NRCAM: variants seen among roughly 807,000 people sequenced by gnomAD.
NRCAM encodes NgCAM-related cell adhesion molecule.
Under a neutral mutation model 156.5 loss-of-function variants are expected in NRCAM, and 83 were observed. The observed-to-expected ratio is 0.53, with a 90% CI of 0.44 to 0.64. The LOEUF (loss-of-function observed/expected upper bound fraction) is 0.64, where lower values mean the gene tolerates loss of function less well. Among genes scored for constraint, NRCAM ranks in the 30% least tolerant of loss-of-function variants. The pLI is 0.00. For missense variants in NRCAM, 1,417 were observed against 1,597.3 expected (o/e 0.89, Z 1.92); for synonymous variants, 538 against 563.9 (o/e 0.95, Z 0.65).
At chr7:108,384,245 T>C (rs192054224) in intron 2 of NRCAM, among the ~76,000 whole-genome samples, 4 of 151,212 alleles carry the variant, frequency 2.6e-5, no homozygotes, top group East Asian at 3.9e-4. Context: ...AAATCTAAAA[T>C]AAAAGTCAAA....
At chr7:108,435,586 G>A (rs1302952654) in intron 1 of NRCAM, among the ~76,000 whole-genome samples, 1 of 152,184 alleles carries the variant, frequency 6.6e-6, no homozygotes, top group Non-Finnish European at 1.5e-5. Context: ...AGGAACAACA[G>A]ACACTGGGTC....
intron 3 of NRCAM, among the ~76,000 whole-genome samples, chr7:108,247,159 C>A (rs1277093345): frequency 1.3e-5 from 2 of 152,166 alleles, no homozygotes; most frequent in African/African-American, 4.8e-5. Flanking sequence ...GAAGAACCAT[C>A]CTGCCAACCC....
intron 11 of NRCAM, among the ~76,000 whole-genome samples, chr7:108,214,689 A>G (rs1200149695): frequency 6.6e-6 from 1 of 151,974 alleles, no homozygotes; most frequent in Non-Finnish European, 1.5e-5. Flanking sequence ...TTTAATTGTG[A>G]TGTTAGGGTA....
At chr7:108,428,850 T>G (rs1182417493) in intron 1 of NRCAM, among the ~76,000 whole-genome samples, 4 of 152,282 alleles carry the variant, frequency 2.6e-5, no homozygotes, top group African/African-American at 7.2e-5. Context: ...AGACATTAAT[T>G]GATTGGAGGG....
At chr7:108,268,619 TGGGGGTGGGGG>T (rs2097197806) in intron 3 of NRCAM, among the ~76,000 whole-genome samples, 1 of 49,266 alleles carries the variant, frequency 2.0e-5, no homozygotes, top group African/African-American at 1.1e-4. Flanking sequence ...GGGGCGGGGG[TGGGGGTGGGGG>T]GGGGTTGGGG....
chr7:108,268,635 TTGGG>T, intron 3 of NRCAM, among the ~76,000 whole-genome samples: 1 of 37,622 alleles, frequency 2.7e-5, no homozygotes, highest in Non-Finnish European at 4.6e-5. Flanking sequence ...TGGGGGGGGG[TTGGG>T]GGGGGCGGCG....
chr7:108,362,343 T>C (rs1361875851), intron 2 of NRCAM, among the ~76,000 whole-genome samples: 3 of 152,134 alleles, frequency 2.0e-5, no homozygotes, highest in Non-Finnish European at 2.9e-5. Flanking sequence ...CACTTCCTAA[T>C]ATCATCACCC....
Position 108,150,009 on chromosome 7 carries a change from A to G in NRCAM, c.3816T>C (p.Phe1272=), listed in dbSNP as rs766520082. 2 of 1,614,102 alleles carry G rather than the reference A, an allele frequency of 1.2e-6. No individual in the cohort carries two copies. The highest frequency in any genetic ancestry group is 1.1e-5 in the South Asian group (1 of 91,082). Residue 1272 remains phenylalanine, a synonymous_variant, in exon 33 of 33, where the codon TTT becomes TTC. Transcript: ENST00000379028. ...VNGQFNEDGS[F]IGQYSGKKEK... is the part of the protein sequence containing the mutation. The stretch of plus-strand genomic sequence containing the variant: ...CTTTCTTACCACTGTATTGTCCAAT[A>G]AAGGAGCCATCCTCATTGAACTGGC...
At chr7:108,280,192 G>C (rs554020842) in intron 3 of NRCAM, among the ~76,000 whole-genome samples, 2 of 152,330 alleles carry the variant, frequency 1.3e-5, no homozygotes, top group Non-Finnish European at 2.9e-5. Flanking sequence ...TATTTTGTTT[G>C]GTAGCTCAAA....
intron 1 of NRCAM, among the ~76,000 whole-genome samples, chr7:108,427,836 A>G (rs572122669): frequency 4.6e-5 from 7 of 152,202 alleles, no homozygotes; most frequent in Non-Finnish European, 8.8e-5. Flanking sequence ...AGTTATTTCA[A>G]TCTTGCTCTT....
intron 3 of NRCAM, among the ~76,000 whole-genome samples, chr7:108,256,619 A>G (rs985676714): frequency 2.0e-5 from 3 of 152,196 alleles, no homozygotes; most frequent in Admixed American, 1.3e-4. Context: ...AGAATGATCA[A>G]TAAATACTAA....
intron 2 of NRCAM, among the ~76,000 whole-genome samples, chr7:108,333,261 T>A (rs763139815): frequency 2.6e-5 from 4 of 152,186 alleles, no homozygotes; most frequent in Non-Finnish European, 5.9e-5. Context: ...TTTCTCATCA[T>A]ATATTTAAAC....
intron 2 of NRCAM, among the ~76,000 whole-genome samples, chr7:108,385,831 C>T (rs1397253918): frequency 7.1e-6 from 1 of 141,418 alleles, no homozygotes; most frequent in Non-Finnish European, 1.5e-5. Flanking sequence ...TATATCTTTA[C>T]AATTTATGTT....
chr7:108,259,260 C>G (rs573495536), intron 3 of NRCAM, among the ~76,000 whole-genome samples: 1 of 152,292 alleles, frequency 6.6e-6, no homozygotes, highest in South Asian at 2.1e-4. Flanking sequence ...TCTTGAAGTA[C>G]CACTTAAATC....
chr7:108,320,254 C>T (rs931681806), intron 2 of NRCAM, among the ~76,000 whole-genome samples: 4 of 151,990 alleles, frequency 2.6e-5, no homozygotes, highest in Non-Finnish European at 1.5e-5. Context: ...GAGTTCAAGA[C>T]CAGCCTGGGC....
intron 1 of NRCAM, among the ~76,000 whole-genome samples, chr7:108,420,484 A>C (rs1178420756): frequency 6.6e-6 from 1 of 152,212 alleles, no homozygotes; most frequent in Non-Finnish European, 1.5e-5. Context: ...CATTTCTTCT[A>C]GCCACAAATT....
At chr7:108,333,555 T>C (rs2099148196) in intron 2 of NRCAM, among the ~76,000 whole-genome samples, 2 of 152,186 alleles carry the variant, frequency 1.3e-5, no homozygotes. Context: ...CACCTGTTCT[T>C]AGAAAAAAAT....
intron 30 of NRCAM, among the ~76,000 whole-genome samples, chr7:108,165,381 T>C (rs2053361060): frequency 6.6e-6 from 1 of 152,180 alleles, no homozygotes; most frequent in Non-Finnish European, 1.5e-5. Flanking sequence ...GCCTACATCA[T>C]AGGATTGTTG....
chr7:108,293,018 T>C (rs1277488588), intron 3 of NRCAM, among the ~76,000 whole-genome samples: 2 of 152,154 alleles, frequency 1.3e-5, no homozygotes, highest in South Asian at 2.1e-4. Context: ...CACTGGTAAC[T>C]TGTAAATGAA....
Sources: gnomAD v4.1 joint callset for allele counts (sites outside exome capture counted in the v4.1 genomes callset) on GRCh38, gnomAD v4.1.1 for gene constraint, MANE v1.5 for transcripts, NCBI Gene and HGNC (gene_info 2026-07-23, HGNC 2026-07-21) for gene names.